The following ANKRD31 variants were observed in gnomAD, a reference collection of about 807,000 sequenced individuals.
ANKRD31 encodes the protein ankyrin repeat domain-containing protein 31.
ANKRD31 carries 147 observed loss-of-function variants against 186.0 expected under a neutral mutation model. The ratio of observed to expected loss-of-function variants is 0.79; its 90% confidence interval spans 0.69 to 0.91. ANKRD31 has a LOEUF of 0.91. Ranked by LOEUF, ANKRD31 falls within the 40% of genes least tolerant of loss-of-function variation. The pLI is 0.00. For synonymous variants in ANKRD31, 673 were observed against 736.4 expected (o/e 0.91, Z 1.39); for missense variants, 1,986 against 2,148.8 (o/e 0.92, Z 1.50).
intron 8 of ANKRD31, 133 bp from the exon 9 acceptor site, chr5:75,192,909 T>A (rs1159105032): frequency 1.4e-6 from 1 of 692,882 alleles, no homozygotes; most frequent in African/African-American, 1.9e-5. Flanking sequence ...GGCGTGGCAG[T>A]TTTAAATACG....
At chr5:75,118,823 G>A (rs1464500230) in intron 17 of ANKRD31, among the ~76,000 whole-genome samples, 1 of 152,098 alleles carries the variant, frequency 6.6e-6, no homozygotes, top group African/African-American at 2.4e-5. Flanking sequence ...AATTTCTGAC[G>A]CCCAGAAGGA....
intron 2 of ANKRD31, 25 bp from the exon 3 acceptor site, chr5:75,222,383 C>A (rs760201037): frequency 6.7e-7 from 1 of 1,482,394 alleles, no homozygotes; most frequent in African/African-American, 1.4e-5. Flanking sequence ...AATCATAAAT[C>A]ATTTACAACA....
chr5:75,145,129 C>T (rs1751341932), intron 14 of ANKRD31, among the ~76,000 whole-genome samples: 1 of 152,166 alleles, frequency 6.6e-6, no homozygotes, highest in African/African-American at 2.4e-5. Context: ...AATGCTTTTA[C>T]ACTGTTGGTG....
intron 22 of ANKRD31, among the ~76,000 whole-genome samples, chr5:75,094,155 G>A (rs187489441): frequency 6.6e-6 from 1 of 152,222 alleles, no homozygotes; most frequent in East Asian, 1.9e-4. Flanking sequence ...TGGGAGCAAA[G>A]CTTTATTGGG....
At chr5:75,205,294 A>T (rs1214657653) in intron 5 of ANKRD31, among the ~76,000 whole-genome samples, 2 of 152,162 alleles carry the variant, frequency 1.3e-5, no homozygotes, top group African/African-American at 4.8e-5. Flanking sequence ...ATGAACTCTA[A>T]ATTCCTGGGT....
intron 5 of ANKRD31, among the ~76,000 whole-genome samples, chr5:75,203,964 T>C (rs1755990982): frequency 6.6e-6 from 1 of 152,186 alleles, no homozygotes; most frequent in Admixed American, 6.5e-5. Flanking sequence ...TTATTAAACT[T>C]TTTTAAAATC....
chr5:75,107,538 AT>A lies in ANKRD31; in HGVS notation c.4322del (p.Asp1441ValfsTer10), dbSNP rs1561428308. On this transcript the variant is annotated frameshift_variant, in exon 21 of 26. Transcript: ENST00000506364. LOFTEE classifies it high-confidence loss of function. ...VLAKQKAERD[D>X]LAKKYRVSIE... ...CTACTCACCTGTATTTTTTAGCCAG[AT>A]CATCCCTTTCTGCTTTCTGCTTGGC... 6.5e-7 allele frequency: 1 copy of A among 1,529,806 alleles called. No homozygotes were observed. Among genetic ancestry groups the A allele is most frequent in the Non-Finnish European group, 8.7e-7 (1 of 1,142,942 alleles). The allele number at this position is 1,529,806 out of a possible 1,614,324, so 94.8% of individuals were successfully genotyped here.
intron 25 of ANKRD31, among the ~76,000 whole-genome samples, chr5:75,080,209 T>A (rs1040460929): frequency 6.6e-6 from 1 of 152,196 alleles, no homozygotes; most frequent in African/African-American, 2.4e-5. Context: ...GCCTATAAGA[T>A]CTAGGTATGT....
intron 7 of ANKRD31, 134 bp downstream of exon 7, chr5:75,195,497 T>C: frequency 1.4e-6 from 1 of 719,816 alleles, no homozygotes; most frequent in Non-Finnish European, 2.2e-6. Context: ...TGAAAACTTG[T>C]TGAAGTTTAA....
chr5:75,118,140 A>C lies in ANKRD31; in HGVS notation c.4034T>G (p.Val1345Gly). The stretch of plus-strand genomic sequence containing the variant: ...AGCAATATTGATATACATACCATTG[A>C]CTATAGCATCACTCTCATCTCTATT... Reference protein sequence around the residue: ...TVNRDESDAIVNEKIPAVRSK... With the variant: ...TVNRDESDAIGNEKIPAVRSK... The change falls in exon 18 of 26, where the codon GTC (valine) becomes GGC (glycine). Residue 1345 changes from valine to glycine, a missense_variant. By Grantham distance (109) the Val-to-Gly change is moderately radical (BLOSUM62 -3). Transcript: ENST00000506364. 1.4e-6 allele frequency: 2 copies of C among 1,459,792 alleles called. No individual in the cohort carries two copies. The highest frequency in any genetic ancestry group is 2.6e-5 in the East Asian group (1 of 38,932). 90.4% of individuals were successfully genotyped at this position (1,459,792 alleles called of 1,614,324 possible).
chr5:75,188,555 T>C lies in ANKRD31; in HGVS notation c.1502A>G (p.Asp501Gly). Reference sequence around the variant, plus strand: ...TATACAATGATGAACAAGATCAGCATCATCGTGTAGAGCAGCCTTATATAC... The same window carrying C: ...TATACAATGATGAACAAGATCAGCACCATCGTGTAGAGCAGCCTTATATAC... The part of the protein sequence containing the change: ...NLVYKAALHD[D>G]ADLVHHCIKK... Residue 501 changes from aspartate (D) to glycine (G), a missense_variant, in exon 10 of 26, where the codon GAT (aspartate) becomes GGT (glycine). Physicochemically the swap from Asp to Gly is moderately conservative, Grantham distance 94. Transcript: ENST00000506364. 3 of 1,536,628 alleles carry C rather than the reference T, an allele frequency of 2.0e-6. No homozygotes were observed. Among genetic ancestry groups the C allele is most frequent in the Non-Finnish European group, 2.6e-6 (3 of 1,146,574 alleles).
intron 25 of ANKRD31, among the ~76,000 whole-genome samples, chr5:75,074,183 A>C (rs977452931): frequency 1.3e-5 from 2 of 152,244 alleles, no homozygotes; most frequent in Non-Finnish European, 2.9e-5. Flanking sequence ...TGAAGCTCTG[A>C]GAACATGCAT....
At chr5:75,200,510 C>A (rs1195658328) in intron 5 of ANKRD31, among the ~76,000 whole-genome samples, 19 of 149,762 alleles carry the variant, frequency 1.3e-4, no homozygotes, top group Admixed American at 3.3e-4. Flanking sequence ...GTTGGCCAGG[C>A]TGGTCTCAAA....
chr5:75,180,727 T>G (rs1345203560), intron 10 of ANKRD31, among the ~76,000 whole-genome samples: 1 of 152,130 alleles, frequency 6.6e-6, no homozygotes, highest in Non-Finnish European at 1.5e-5. Context: ...TATACAAAAA[T>G]TAATTCAAGA....
chr5:75,144,025 A>C lies in ANKRD31; in HGVS notation c.3571T>G (p.Phe1191Val), dbSNP rs1751243766. ...TVQNFRKRQS[F>V]LKTTCNLGMK... ...CCTAGGTTGCAGGTAGTTTTTAAGA[A>C]ACTTTGTCTTTTTCTGAAATTCTGA... The change falls in exon 15 of 26, where the codon TTC (phenylalanine) becomes GTC (valine). Residue 1191 changes from phenylalanine to valine, a missense_variant. Physicochemically the swap from Phe to Val is conservative, Grantham distance 50. Transcript: ENST00000506364. The C allele has an allele frequency of 2.5e-6, 1 of 397,378 alleles. No homozygotes were observed. Among genetic ancestry groups the C allele is most frequent in the Non-Finnish European group, 4.4e-6 (1 of 225,282 alleles). The allele number at this position is 397,378 out of a possible 1,614,324, so 24.6% of individuals were successfully genotyped here. A position where few individuals can be genotyped will look rare whatever the true frequency, so the allele number is the denominator to read the frequency against.
intron 11 of ANKRD31, among the ~76,000 whole-genome samples, chr5:75,168,291 G>C (rs1347537290): frequency 6.6e-6 from 1 of 152,016 alleles, no homozygotes; most frequent in Non-Finnish European, 1.5e-5. Context: ...TCCCATCCTA[G>C]AAGTTTTTAA....
chr5:75,172,019 T>C (rs928705623), intron 10 of ANKRD31, among the ~76,000 whole-genome samples: 18 of 151,782 alleles, frequency 1.2e-4, no homozygotes, highest in Non-Finnish European at 1.2e-4. Flanking sequence ...TTTAAAATCC[T>C]TAACAAAATA....
intron 10 of ANKRD31, 25 bp from the exon 11 acceptor site, chr5:75,169,146 T>C: frequency 1.3e-6 from 2 of 1,526,238 alleles, no homozygotes; most frequent in Non-Finnish European, 1.8e-6. Flanking sequence ...GATACGGCAT[T>C]TGTTTACATT....
chr5:75,207,237 A>G (rs1443182735), intron 4 of ANKRD31, among the ~76,000 whole-genome samples: 1 of 152,152 alleles, frequency 6.6e-6, no homozygotes, highest in Non-Finnish European at 1.5e-5. Flanking sequence ...CTATCCAAAA[A>G]CAGAAGTGAT....
Sources: gnomAD v4.1 joint callset for allele counts (sites outside exome capture counted in the v4.1 genomes callset) on GRCh38, gnomAD v4.1.1 for gene constraint, MANE v1.5 for transcripts, NCBI Gene and HGNC (gene_info 2026-07-23, HGNC 2026-07-21) for gene names.